SCML2: variants seen among roughly 807,000 people sequenced by gnomAD.
SCML2 encodes the protein sex comb on midleg-like protein 2.
Under a neutral mutation model 48.4 loss-of-function variants are expected in SCML2, and 6 were observed. The ratio of observed to expected loss-of-function variants is 0.12; its 90% CI spans 0.07 to 0.24. SCML2 has a LOEUF of 0.24. Among genes scored for constraint, SCML2 ranks in the 10% least tolerant of loss-of-function variants. SCML2 has a pLI of 1.00. For missense variants in SCML2, 377 were observed against 528.2 expected (o/e 0.71, Z 2.81); for synonymous variants, 181 against 189.5 (o/e 0.95, Z 0.37).
intron 14 of SCML2, 106 bp from the exon 15 acceptor site, chrX:18,241,485 T>A: frequency 6.4e-6 from 3 of 470,547 alleles, no homozygotes; most frequent in African/African-American, 2.5e-5. Context: ...ATATATATTC[T>A]CTGAATATGC....
intron 6 of SCML2, among the ~76,000 whole-genome samples, chrX:18,309,839 G>A (rs1429002626): frequency 9.0e-6 from 1 of 111,058 alleles, no homozygotes. Context: ...TATTACCTGG[G>A]TGATAAAATA....
chrX:18,321,823 T>A (rs374687049), intron 5 of SCML2, among the ~76,000 whole-genome samples: 1 of 111,259 alleles, frequency 9.0e-6, no homozygotes, highest in Non-Finnish European at 1.9e-5. Context: ...AAGTCAAACA[T>A]AGATTAAAAG....
chrX:18,275,343 G>A (rs1337881853), intron 7 of SCML2, among the ~76,000 whole-genome samples: 1 of 112,547 alleles, frequency 8.9e-6, no homozygotes, highest in Non-Finnish European at 1.9e-5. Flanking sequence ...TTTCAGGAAA[G>A]GGCTTCCCTT....
At chrX:18,269,790 C>CA (rs1927386004) in intron 7 of SCML2, among the ~76,000 whole-genome samples, 1 of 110,788 alleles carries the variant, frequency 9.0e-6, no homozygotes, top group African/African-American at 3.3e-5. Flanking sequence ...GTTATACCCC[C>CA]AAAACTAGTA....
intron 7 of SCML2, among the ~76,000 whole-genome samples, chrX:18,278,638 C>T (rs6654039): frequency 1.0e-3 from 113 of 112,505 alleles, no homozygotes; most frequent in African/African-American, 3.1e-3. Context: ...AGCCCTCCTG[C>T]CACCAGCCCC....
chrX:18,258,065 G>C lies in SCML2; in HGVS notation c.1252C>G (p.Arg418Gly). 2 of 1,208,593 alleles carry C rather than the reference G, an allele frequency of 1.7e-6. No homozygotes were observed. The highest frequency in any genetic ancestry group is 2.2e-6 in the Non-Finnish European group (2 of 893,227). Residue 418 changes from arginine (R) to glycine (G), a missense_variant, in exon 10 of 15, where the codon CGT (arginine) becomes GGT (glycine). Physicochemically the swap from Arg to Gly is moderately radical, Grantham distance 125 (BLOSUM62 -2). This residue lies in a region of SCML2 where 299 missense variants were observed against 425.5 expected (regional missense o/e 0.70). Transcript: ENST00000251900. ...TVFGYLKPDNRGGEVITASFD... is the reference protein window; with the variant it reads ...TVFGYLKPDNGGGEVITASFD... ...ATACCAGTTATCACTTCTCCTCCAC[G>C]ATTATCTGGCTTCAGGTATCCAAAA...
At chrX:18,330,098 C>A (rs7878440) in intron 3 of SCML2, among the ~76,000 whole-genome samples, 25,218 of 110,438 alleles carry the variant, frequency 0.23, 2,260 homozygotes, top group Middle Eastern at 0.34. Flanking sequence ...GAAGAAAAAA[C>A]GTCTAAGAGC....
intron 7 of SCML2, among the ~76,000 whole-genome samples, chrX:18,289,010 C>T (rs1455179602): frequency 2.7e-5 from 3 of 111,811 alleles, no homozygotes; most frequent in African/African-American, 9.8e-5. Context: ...ACCTCCTTCA[C>T]TCCTGCCTTC....
chrX:18,313,012 T>C (rs199901660), intron 6 of SCML2, among the ~76,000 whole-genome samples: 1,522 of 66,176 alleles, frequency 0.023, 22 homozygotes, highest in African/African-American at 0.1. Context: ...TGTGTGCGCG[T>C]GTGTGTGTGT....
chrX:18,290,750 T>C (rs189543643), intron 7 of SCML2, among the ~76,000 whole-genome samples: 8 of 111,386 alleles, frequency 7.2e-5, no homozygotes, highest in African/African-American at 2.6e-4. Flanking sequence ...AGTAATGAGT[T>C]TACAAACTTT....
In SCML2 at chrX:18,256,072, G is replaced by A. The variant is rs188396654; in HGVS notation, c.1456+776C>T. On this transcript the variant is annotated intron_variant, in intron 11 of 14. Coordinates refer to ENST00000251900, the MANE Select transcript of SCML2 (RefSeq NM_006089.3). ...AAGAAACCCACTTTTGGTTCTACAG[G>A]GCTATCTTACACCTACCCTTTTATT... 4.4e-3 allele frequency among the ~76,000 whole-genome samples: 494 copies of A among 111,711 alleles called. 5 individuals carry two copies. Among genetic ancestry groups the A allele is most frequent in the African/African-American group, 0.015 (466 of 30,768 alleles).
chrX:18,291,346 A>T (rs1317051978), intron 7 of SCML2, among the ~76,000 whole-genome samples: 1 of 112,141 alleles, frequency 8.9e-6, no homozygotes, highest in Non-Finnish European at 1.9e-5. Context: ...AGCTTGCTGA[A>T]TTTTCTATCC....
chrX:18,254,846 C>T (rs892194112), intron 11 of SCML2, among the ~76,000 whole-genome samples: 1 of 111,453 alleles, frequency 9.0e-6, no homozygotes, highest in Non-Finnish European at 1.9e-5. Context: ...ATCACTTGAA[C>T]CCAGGAGGCG....
chrX:18,265,323 G>C (rs955623293), intron 8 of SCML2, among the ~76,000 whole-genome samples: 1 of 112,237 alleles, frequency 8.9e-6, no homozygotes, highest in African/African-American at 3.2e-5. Context: ...AAACTAACTA[G>C]TCTGAACATA....
chrX:18,289,077 T>C (rs1434493489), intron 7 of SCML2, among the ~76,000 whole-genome samples: 7 of 111,586 alleles, frequency 6.3e-5, no homozygotes, highest in African/African-American at 1.3e-4. Context: ...TAGAAAGAAA[T>C]GAGAAGACAT....
chrX:18,261,044 G>A (rs1927045082), intron 8 of SCML2, among the ~76,000 whole-genome samples: 1 of 109,230 alleles, frequency 9.2e-6, no homozygotes, highest in South Asian at 3.8e-4. Flanking sequence ...TAGAACATTC[G>A]ATGTTGCTGA....
At position 18,354,675 on chromosome X, in the gene SCML2, G is replaced by A. The variant is rs1930487049; in HGVS notation, c.-108C>T. On this transcript the variant is annotated 5_prime_UTR_variant, in exon 1 of 15. Coordinates refer to ENST00000251900, the MANE Select transcript of SCML2 (RefSeq NM_006089.3). ...CCGAGCTTCACACCGCCGCCGCCATGTTTGAGAAGCCGCGCGCGGAGCCGC... is the reference window on the plus strand; with the variant it reads ...CCGAGCTTCACACCGCCGCCGCCATATTTGAGAAGCCGCGCGCGGAGCCGC... 1 of 283,200 alleles carries A rather than the reference G, an allele frequency of 3.5e-6. No individual in the cohort carries two copies. Among genetic ancestry groups the A allele is most frequent in the Admixed American group, 6.3e-5 (1 of 15,919 alleles). 23.3% of individuals were successfully genotyped at this position (283,200 alleles called of 1,213,427 possible).
Position 18,265,918 on chromosome X carries a change from T to G in SCML2, c.731-116A>C, listed in dbSNP as rs1016322405. 3 of 464,617 alleles carry G rather than the reference T, an allele frequency of 6.5e-6. No individual in the cohort carries two copies. The South Asian group carries it at 1.4e-4, about 22-fold the overall frequency. 38.3% of individuals were successfully genotyped at this position (464,617 alleles called of 1,213,427 possible). A position where few individuals can be genotyped will look rare whatever the true frequency, so the allele number is the denominator to read the frequency against. On this transcript the variant is annotated intron_variant, in intron 7 of 14. Coordinates refer to ENST00000251900, the MANE Select transcript of SCML2 (RefSeq NM_006089.3). ...AAAACCATTTCCAAAGGTTATTCAC[T>G]GAAAACCACTTAAAACTAAAAGTAC...
At chrX:18,278,850 C>G (rs891953520) in intron 7 of SCML2, among the ~76,000 whole-genome samples, 1 of 112,953 alleles carries the variant, frequency 8.9e-6, no homozygotes, top group Non-Finnish European at 1.9e-5. Flanking sequence ...AGGGAGTATA[C>G]AGCTGAGATC....
Sources: allele counts gnomAD v4.1 joint callset (sites outside exome capture counted in the v4.1 genomes callset), GRCh38; gene constraint gnomAD v4.1.1; regional missense constraint gnomAD v4.1.1; transcripts MANE v1.5; gene names NCBI Gene and HGNC (gene_info 2026-07-23, HGNC 2026-07-21).